Variants in MGAT4C observed in about 807,000 individuals in gnomAD.
MGAT4C encodes the protein MGAT4 family member C.
Under a neutral mutation model 40.1 loss-of-function variants are expected in MGAT4C, and 19 were observed. The observed-to-expected ratio is 0.47, with a 90% CI of 0.33 to 0.70. The LOEUF is 0.70. Ranked by LOEUF, MGAT4C falls within the 30% of genes least tolerant of loss-of-function variation. The pLI is 0.02. For synonymous variants in MGAT4C, 181 were observed against 187.1 expected (o/e 0.97, Z 0.27); for missense variants, 491 against 563.2 (o/e 0.87, Z 1.30).
At chr12:86,737,758 A>T (rs1424113496) in intron 1 of MGAT4C, among the ~76,000 whole-genome samples, 2 of 131,632 alleles carry the variant, frequency 1.5e-5, no homozygotes, top group East Asian at 2.0e-4. Flanking sequence ...TTTCCCAGTT[A>T]AAAAAAAAAC....
intron 1 of MGAT4C, among the ~76,000 whole-genome samples, chr12:86,101,725 T>C (rs1365354144): frequency 3.3e-5 from 5 of 151,864 alleles, no homozygotes; most frequent in Non-Finnish European, 5.9e-5. Flanking sequence ...TTGAGAGAAG[T>C]GTAGCAGAGA....
intron 1 of MGAT4C, among the ~76,000 whole-genome samples, chr12:86,250,966 A>C (rs2452808): frequency 0.89 from 135,228 of 151,860 alleles, 60,421 homozygotes; most frequent in East Asian, 1. Context: ...AAAGACACAG[A>C]CACATAATAC....
At chr12:86,543,128 T>C (rs893091733) in intron 2 of MGAT4C, among the ~76,000 whole-genome samples, 1 of 151,984 alleles carries the variant, frequency 6.6e-6, no homozygotes, top group Non-Finnish European at 1.5e-5. Context: ...GGTTCTGTTT[T>C]ATATGATTAA....
At chr12:86,224,712 T>C (rs1951012235) in intron 1 of MGAT4C, among the ~76,000 whole-genome samples, 1 of 152,116 alleles carries the variant, frequency 6.6e-6, no homozygotes, top group African/African-American at 2.4e-5. Flanking sequence ...ACTGGGTTAA[T>C]AAAGAAATTA....
intron 4 of MGAT4C, among the ~76,000 whole-genome samples, chr12:86,328,659 A>C (rs958286716): frequency 1.3e-5 from 2 of 152,034 alleles, no homozygotes; most frequent in Non-Finnish European, 2.9e-5. Flanking sequence ...GAAATAATAT[A>C]AGACAAATTA....
intron 1 of MGAT4C, among the ~76,000 whole-genome samples, chr12:86,191,751 G>GGTGTGTGTGTGTGTGTGT (rs570173863): frequency 0.013 from 1,316 of 98,546 alleles, 39 homozygotes; most frequent in African/African-American, 0.032. Flanking sequence ...AGGAGATAAA[G>GGTGTGTGTGTGTGTGTGT]GTGTGTGTGT....
intron 2 of MGAT4C, among the ~76,000 whole-genome samples, chr12:86,572,006 C>T (rs549449696): frequency 3.3e-5 from 5 of 152,146 alleles, no homozygotes; most frequent in South Asian, 2.1e-4. Context: ...CAACTTAAAG[C>T]GATAATTTGT....
intron 1 of MGAT4C, among the ~76,000 whole-genome samples, chr12:86,832,851 C>T (rs1454206504): frequency 1.3e-5 from 2 of 151,716 alleles, no homozygotes; most frequent in African/African-American, 4.8e-5. Context: ...TGGAAGGTTG[C>T]TAGTAGAATG....
rs1314511770 is a variant in MGAT4C, at chr12:86,250,500, A to G, written c.-57+5739T>C. Among the ~76,000 whole-genome samples, 6 of 104,462 alleles carry G rather than the reference A, an allele frequency of 5.7e-5. No homozygotes were observed. In the East Asian group the frequency reaches 1.2e-3, roughly 21 times the overall value. 68.5% of individuals were successfully genotyped at this position (104,462 alleles called of 152,430 possible). A position where few individuals can be genotyped will look rare whatever the true frequency, so the allele number is the denominator to read the frequency against. ...CTTCATCACCAATATGAGACAATGG[A>G]CTGTTGAAAAGCAGAGACTGTTGGT... is the stretch of plus-strand genomic sequence containing the variant. On this transcript the variant is annotated intron_variant, in intron 1 of 4. Coordinates refer to ENST00000611864, the MANE Select transcript of MGAT4C (RefSeq NM_001351288.2).
intron 2 of MGAT4C, among the ~76,000 whole-genome samples, chr12:86,481,292 A>G (rs368318848): frequency 6.6e-6 from 1 of 152,068 alleles, no homozygotes; most frequent in African/African-American, 2.4e-5. Context: ...TTCTAGACTT[A>G]ACACCAAGGA....
intron 3 of MGAT4C, among the ~76,000 whole-genome samples, chr12:86,354,150 T>A (rs1022052952): frequency 1.3e-5 from 2 of 152,142 alleles, no homozygotes; most frequent in African/African-American, 4.8e-5. Context: ...TGCCAAGGAT[T>A]TTTTTACTAT....
intron 2 of MGAT4C, among the ~76,000 whole-genome samples, chr12:86,506,783 T>G (rs1958479313): frequency 6.6e-6 from 1 of 152,158 alleles, no homozygotes; most frequent in Admixed American, 6.6e-5. Flanking sequence ...TTCAAGCATC[T>G]TTGGTAGGCA....
intron 2 of MGAT4C, among the ~76,000 whole-genome samples, chr12:86,602,128 C>T (rs1006144033): frequency 1.3e-5 from 2 of 152,128 alleles, no homozygotes; most frequent in African/African-American, 4.8e-5. Flanking sequence ...AGTGGCCAGA[C>T]CCGTGTTCAT....
chr12:86,216,365 A>G (rs1021031275), intron 1 of MGAT4C, among the ~76,000 whole-genome samples: 2 of 152,218 alleles, frequency 1.3e-5, no homozygotes, highest in Non-Finnish European at 2.9e-5. Flanking sequence ...AAGCTTCCCT[A>G]CAGAAGGCAA....
intron 1 of MGAT4C, among the ~76,000 whole-genome samples, chr12:86,810,282 A>T (rs1426165263): frequency 6.6e-6 from 1 of 151,934 alleles, no homozygotes; most frequent in Non-Finnish European, 1.5e-5. Flanking sequence ...CATGTAGTCT[A>T]CAAATGGTGA....
intron 3 of MGAT4C, among the ~76,000 whole-genome samples, chr12:86,411,378 GA>G (rs1956602047): frequency 6.6e-6 from 1 of 152,156 alleles, no homozygotes; most frequent in Non-Finnish European, 1.5e-5. Flanking sequence ...GGTCTCAGTT[GA>G]AAATGAGAAA....
intron 1 of MGAT4C, among the ~76,000 whole-genome samples, chr12:86,140,050 A>G (rs1201983129): frequency 1.3e-5 from 2 of 152,150 alleles, no homozygotes; most frequent in East Asian, 3.8e-4. Context: ...TTAGTATTTT[A>G]TATCATTCTT....
chr12:86,609,782 G>A lies in MGAT4C; in HGVS notation c.-229+117427C>T, dbSNP rs543790138. ...AGTTTTACCTCCTATGCTAAATAAG[G>A]CACTACCAGAAAAAAAAAAAACTTG... is the stretch of plus-strand genomic sequence containing the variant. On this transcript the variant is annotated intron_variant, in intron 2 of 7. Coordinates refer to the MGAT4C transcript ENST00000548651. Among the ~76,000 whole-genome samples, 450 of 99,652 alleles carry A rather than the reference G, an allele frequency of 4.5e-3. 2 individuals carry two copies. Among genetic ancestry groups the A allele is most frequent in the African/African-American group, 0.013 (429 of 32,638 alleles). The allele number at this position is 99,652 out of a possible 152,430, so 65.4% of individuals were successfully genotyped here. A position where few individuals can be genotyped will look rare whatever the true frequency, so the allele number is the denominator to read the frequency against.
At chr12:86,228,595 A>G (rs181689189) in intron 1 of MGAT4C, among the ~76,000 whole-genome samples, 2 of 151,822 alleles carry the variant, frequency 1.3e-5, no homozygotes, top group African/African-American at 2.4e-5. Flanking sequence ...TCTGCACTCT[A>G]ATAGAATGAA....
Sources: gnomAD v4.1 joint callset for allele counts (sites outside exome capture counted in the v4.1 genomes callset) on GRCh38, gnomAD v4.1.1 for gene constraint, MANE v1.5 for transcripts, NCBI Gene and HGNC (gene_info 2026-07-23, HGNC 2026-07-21) for gene names.